GFRA1: variants seen among roughly 807,000 people sequenced by gnomAD.
The protein encoded by GFRA1 is GDNF family receptor alpha 1, also known as GDNF family receptor alpha-1.
In GFRA1, 16 loss-of-function variants were observed where a neutral mutation model predicts 51.6. That is an observed-to-expected ratio of 0.31 (90% CI 0.21 to 0.47). The LOEUF is 0.47. GFRA1 is among the 20% of genes least tolerant of loss of function. GFRA1 has a pLI of 1.00. For missense variants in GFRA1, 530 were observed against 594.3 expected (o/e 0.89, Z 1.13); for synonymous variants, 270 against 241.3 (o/e 1.12, Z -1.10).
At chr10:116,117,557 G>GTGGATGGATGGATGGATGGATGGA (rs75233028) in intron 6 of GFRA1, among the ~76,000 whole-genome samples, 6 of 97,348 alleles carry the variant, frequency 6.2e-5, no homozygotes, top group African/African-American at 2.5e-4. Flanking sequence ...GGGTGGGTGT[G>GTGGATGGATGGATGGATGGATGGA]TGGATGGATG....
intron 5 of GFRA1, among the ~76,000 whole-genome samples, chr10:116,190,010 G>A (rs1039272278): frequency 1.3e-5 from 2 of 152,130 alleles, no homozygotes; most frequent in African/African-American, 4.8e-5. Flanking sequence ...GCGAGGCAGA[G>A]AGCGGGACCA....
intron 5 of GFRA1, among the ~76,000 whole-genome samples, chr10:116,174,163 C>T (rs890354011): frequency 1.3e-5 from 2 of 150,706 alleles, no homozygotes; most frequent in Non-Finnish European, 3.0e-5. Context: ...AAAAAAATTG[C>T]TTTGCCCTTT....
chr10:116,263,773 CA>C (rs1426280565), intron 4 of GFRA1, among the ~76,000 whole-genome samples: 1 of 152,084 alleles, frequency 6.6e-6, no homozygotes, highest in Non-Finnish European at 1.5e-5. Context: ...AAAGCCCATG[CA>C]GAGTTCAAGT....
At chr10:116,119,301 C>A (rs572268159) in intron 6 of GFRA1, among the ~76,000 whole-genome samples, 1 of 152,100 alleles carries the variant, frequency 6.6e-6, no homozygotes, top group Non-Finnish European at 1.5e-5. Context: ...GTCCAGCGGC[C>A]CCCAGAGCAG....
At chr10:116,260,184 C>A (rs1298497674) in intron 4 of GFRA1, among the ~76,000 whole-genome samples, 1 of 152,138 alleles carries the variant, frequency 6.6e-6, no homozygotes, top group East Asian at 1.9e-4. Context: ...GAGTAAATTG[C>A]AATTGATTTT....
In GFRA1 at chr10:116,089,888, A is replaced by T. The variant is rs371135606; in HGVS notation, c.1050T>A (p.Asp350Glu). The T allele has an allele frequency of 3.1e-6, 5 of 1,613,948 alleles. No homozygotes were observed. In the African/African-American group the frequency reaches 6.7e-5, roughly 22 times the overall value. The change falls in exon 9 of 11, where the codon GAT becomes GAA. Residue 350 changes from aspartate (D) to glutamate (E), a missense_variant. Transcript: ENST00000355422. The part of the protein sequence containing the change: ...NAIQAFGNGS[D>E]VTVWQPAFPV... ...GGAAGGCTGGCTGCCACACGGTCAC[A>T]TCGGAGCCATTGCCAAAGGCTTGAA...
chr10:116,202,434 T>A (rs944450319), intron 5 of GFRA1, among the ~76,000 whole-genome samples: 2 of 152,194 alleles, frequency 1.3e-5, no homozygotes, highest in Admixed American at 6.5e-5. Flanking sequence ...AGTAGAAGAC[T>A]GTGTGGAAAT....
intron 4 of GFRA1, among the ~76,000 whole-genome samples, chr10:116,218,539 A>G (rs1965716243): frequency 6.6e-6 from 1 of 152,144 alleles, no homozygotes; most frequent in Non-Finnish European, 1.5e-5. Flanking sequence ...CAGAGTCCAG[A>G]GCTCCTCCAG....
chr10:116,144,123 C>T (rs567461219), intron 5 of GFRA1, among the ~76,000 whole-genome samples: 4 of 152,046 alleles, frequency 2.6e-5, no homozygotes, highest in South Asian at 2.1e-4. Flanking sequence ...ACACTTTGCA[C>T]GTGATTCTGC....
chr10:116,202,784 G>C (rs1473005447), intron 5 of GFRA1, among the ~76,000 whole-genome samples: 1 of 152,074 alleles, frequency 6.6e-6, no homozygotes, highest in Non-Finnish European at 1.5e-5. Context: ...CTCCCACCAG[G>C]CCCCTCCTCC....
intron 9 of GFRA1, among the ~76,000 whole-genome samples, chr10:116,072,818 C>T (rs1011168586): frequency 1.3e-4 from 20 of 152,040 alleles, no homozygotes; most frequent in African/African-American, 4.8e-4. Context: ...GGTTCCTAGT[C>T]CTAGCTTTCC....
intron 9 of GFRA1, among the ~76,000 whole-genome samples, chr10:116,088,244 TTTGG>T (rs781372471): frequency 6.6e-6 from 1 of 151,890 alleles, no homozygotes; most frequent in Non-Finnish European, 1.5e-5. Flanking sequence ...CAAGCTAGTA[TTTGG>T]TGAAAGAAGG....
intron 6 of GFRA1, among the ~76,000 whole-genome samples, chr10:116,116,789 A>G (rs1423231976): frequency 2.0e-5 from 3 of 152,216 alleles, no homozygotes; most frequent in Non-Finnish European, 4.4e-5. Flanking sequence ...ATGAGCTTGT[A>G]TTACCTGAGT....
At chr10:116,261,435 A>G (rs1183484944) in intron 4 of GFRA1, among the ~76,000 whole-genome samples, 1 of 152,178 alleles carries the variant, frequency 6.6e-6, no homozygotes, top group Non-Finnish European at 1.5e-5. Flanking sequence ...TATTTAATTT[A>G]TTGAAATATA....
At chr10:116,113,624 C>T (rs1459518589) in intron 6 of GFRA1, among the ~76,000 whole-genome samples, 1 of 152,166 alleles carries the variant, frequency 6.6e-6, no homozygotes, top group African/African-American at 2.4e-5. Flanking sequence ...ACATTGTGTA[C>T]AGAAATGGGC....
rs1167104442 is a variant in GFRA1 at position 116,271,090 on chromosome 10, G to T, written c.66C>A (p.Ser22Arg). The T allele has an allele frequency of 6.2e-7, 1 of 1,607,930 alleles. No homozygotes were observed. Among genetic ancestry groups the T allele is most frequent in the South Asian group, 1.1e-5 (1 of 90,986 alleles). The change falls in exon 3 of 11, where the codon AGC becomes AGA. Residue 22 changes from serine (S) to arginine (R), a missense_variant. Transcript: ENST00000355422. Reference protein sequence around the residue: ...LLDLLLSAEVSGGDRLDCVKA... With the variant: ...LLDLLLSAEVRGGDRLDCVKA... ...TCACGCAATCCAGGCGGTCTCCGCCGCTCACTTCGGCCGACAGGAGCAAGT... is the reference window on the plus strand; with the variant it reads ...TCACGCAATCCAGGCGGTCTCCGCCTCTCACTTCGGCCGACAGGAGCAAGT...
chr10:116,098,210 A>G (rs959552396), intron 6 of GFRA1, among the ~76,000 whole-genome samples: 6 of 152,316 alleles, frequency 3.9e-5, no homozygotes, highest in African/African-American at 1.4e-4. Flanking sequence ...GAGCTCCTGT[A>G]TAAGTCTCCC....
intron 5 of GFRA1, among the ~76,000 whole-genome samples, chr10:116,168,144 A>AT (rs35559235): frequency 0.023 from 3,354 of 145,266 alleles, 122 homozygotes; most frequent in African/African-American, 0.078. Flanking sequence ...AAACCAGGGA[A>AT]TTTTTTTTTT....
chr10:116,218,644 G>A lies in GFRA1; in HGVS notation c.419-6999C>T, dbSNP rs899970982. On this transcript the variant is annotated intron_variant, in intron 4 of 10. Transcript: ENST00000355422. ...AGCTCAGGCAACCGTGTAGCCACAC[G>A]GCCAATATTCATGACCCTCCTGCTT... Among the ~76,000 whole-genome samples the A allele has an allele frequency of 3.9e-5, 6 of 152,172 alleles. No individual in the cohort carries two copies. The East Asian group carries it at 9.7e-4, about 25-fold the overall frequency.
Sources: allele counts gnomAD v4.1 joint callset (sites outside exome capture counted in the v4.1 genomes callset), GRCh38; gene constraint gnomAD v4.1.1; transcripts MANE v1.5; gene names NCBI Gene and HGNC (gene_info 2026-07-23, HGNC 2026-07-21).